Variants in DAPK1 observed in about 807,000 individuals in gnomAD.
DAPK1 encodes the protein death associated protein kinase 1.
In DAPK1, 56 loss-of-function variants were observed where a neutral mutation model predicts 144.9. That is an observed-to-expected ratio of 0.39 (90% CI 0.31 to 0.48). DAPK1 has a LOEUF of 0.48. Among genes scored for constraint, DAPK1 ranks in the 20% least tolerant of loss-of-function variants. The probability of loss-of-function intolerance (pLI) is 0.95; values close to 1 mark genes in which losing one functional copy is unlikely to be tolerated. For missense variants in DAPK1, 1,454 were observed against 1,875.4 expected, an observed-to-expected ratio of 0.78 and a Z score of 4.15; for synonymous variants, 690 against 749.0, an observed-to-expected ratio of 0.92 and a Z score of 1.29.
chr9:87,589,138 A>G (rs1029364529), intron 2 of DAPK1, among the ~76,000 whole-genome samples: 1 of 139,240 alleles, frequency 7.2e-6, no homozygotes, highest in African/African-American at 2.8e-5. Context: ...CGAACTCCTG[A>G]CCTCAGGTGA....
At chr9:87,569,538 G>A (rs12340431) in intron 2 of DAPK1, among the ~76,000 whole-genome samples, 18,278 of 152,104 alleles carry the variant, frequency 0.12, 1,360 homozygotes, top group East Asian at 0.34. Context: ...ATGGAAAATC[G>A]ATCTTTTGAA....
intron 18 of DAPK1, among the ~76,000 whole-genome samples, chr9:87,667,550 A>G (rs1831100490): frequency 6.6e-6 from 1 of 152,208 alleles, no homozygotes; most frequent in African/African-American, 2.4e-5. Context: ...AGATTGAGCA[A>G]CAGTGTCTGA....
chr9:87,550,717 A>T (rs1305680867), intron 2 of DAPK1, among the ~76,000 whole-genome samples: 2 of 152,222 alleles, frequency 1.3e-5, no homozygotes, highest in African/African-American at 4.8e-5. Flanking sequence ...TGAGGGGGTC[A>T]TAATTCAACC....
chr9:87,537,939 C>A (rs1419286759), intron 2 of DAPK1, among the ~76,000 whole-genome samples: 1 of 152,164 alleles, frequency 6.6e-6, no homozygotes, highest in Non-Finnish European at 1.5e-5. Flanking sequence ...GTAGTGGCTG[C>A]CAGCTTTTTA....
intron 13 of DAPK1, 76 bp downstream of exon 13, chr9:87,646,635 G>A (rs1293752136): frequency 1.7e-6 from 2 of 1,176,682 alleles, no homozygotes; most frequent in African/African-American, 1.6e-5. Context: ...GGTAACAGAG[G>A]AAAAAAATTT....
chr9:87,546,349 G>A (rs1826250443), intron 2 of DAPK1, among the ~76,000 whole-genome samples: 1 of 152,172 alleles, frequency 6.6e-6, no homozygotes. Context: ...GGAATGGACA[G>A]GATTTAGGGC....
In DAPK1 at chr9:87,638,064, G is replaced by T; in HGVS notation, c.406G>T (p.Ala136Ser). The T allele has an allele frequency of 2.5e-6, 4 of 1,611,482 alleles. No individual in the cohort carries two copies. Among genetic ancestry groups the T allele is most frequent in the Non-Finnish European group, 3.4e-6 (4 of 1,178,088 alleles). ...TTACTACCTGCACTCCCTTCAAATC[G>T]CCCACTTTGATCTTAAGGTACGTTT... ...GVYYLHSLQIAHFDLKPENIM... is the reference protein window; with the variant it reads ...GVYYLHSLQISHFDLKPENIM... Residue 136 changes from alanine (A) to serine (S), a missense_variant, in exon 4 of 26, where the codon GCC becomes TCC. Coordinates refer to ENST00000408954, the MANE Select transcript of DAPK1 (RefSeq NM_004938.4).
intron 2 of DAPK1, among the ~76,000 whole-genome samples, chr9:87,518,278 A>AT (rs1188386875): frequency 0.013 from 1,658 of 124,200 alleles, 11 homozygotes; most frequent in Non-Finnish European, 0.016. Context: ...CACCCAGCTA[A>AT]TTTTTTTTTT....
chr9:87,513,015 G>A lies in DAPK1; in HGVS notation c.62+13876G>A, dbSNP rs1336368819. On this transcript the variant is annotated intron_variant, in intron 2 of 25. Transcript: ENST00000408954. ...CTTGTTGGGTGGGTATCTTTAGTTTGTAAAAGTAACATAACACTGACAAAA... is the reference window on the plus strand; with the variant it reads ...CTTGTTGGGTGGGTATCTTTAGTTTATAAAAGTAACATAACACTGACAAAA... 1.2e-4 allele frequency among the ~76,000 whole-genome samples: 18 copies of A among 152,156 alleles called. 1 individual carries two copies. The highest frequency in any genetic ancestry group is 9.8e-4 in the Admixed American group (15 of 15,276).
In DAPK1 at chr9:87,638,003, A is replaced by G. The variant is rs368493768; in HGVS notation, c.345A>G (p.Glu115=). 1.9e-6 allele frequency: 3 copies of G among 1,614,074 alleles called. No individual in the cohort carries two copies. The highest frequency in any genetic ancestry group is 2.5e-6 in the Non-Finnish European group (3 of 1,180,010). The change falls in exon 4 of 26, where the codon GAA becomes GAG. Residue 115 remains glutamate, a synonymous_variant. Coordinates refer to ENST00000408954, the MANE Select transcript of DAPK1 (RefSeq NM_004938.4). ...LAEKESLTEE[E]ATEFLKQILN... is the part of the protein sequence containing the mutation. ...AAAAGGAATCTTTAACTGAAGAGGA[A>G]GCAACTGAATTTCTCAAACAAATTC...
chr9:87,657,776 C>T (rs1830679375), intron 17 of DAPK1: 1 of 485,278 alleles, frequency 2.1e-6, no homozygotes, highest in Non-Finnish European at 3.8e-6. Flanking sequence ...CTCTTTCAGG[C>T]CAGCACAGCA....
chr9:87,676,355 G>A (rs1260548643), intron 19 of DAPK1, among the ~76,000 whole-genome samples: 1 of 152,234 alleles, frequency 6.6e-6, no homozygotes, highest in Non-Finnish European at 1.5e-5. Context: ...AGATCATTAC[G>A]TGGATGAAAG....
At chr9:87,542,066 A>G (rs1462915123) in intron 2 of DAPK1, among the ~76,000 whole-genome samples, 1 of 152,248 alleles carries the variant, frequency 6.6e-6, no homozygotes, top group Non-Finnish European at 1.5e-5. Flanking sequence ...AGAAAAAGTC[A>G]GGGACTTATT....
chr9:87,633,273 G>T (rs1829777367), intron 3 of DAPK1: 2 of 984,728 alleles, frequency 2.0e-6, no homozygotes, highest in South Asian at 4.7e-5. Context: ...GAAATGTAGG[G>T]ATGAAGGGGG....
intron 25 of DAPK1, among the ~76,000 whole-genome samples, chr9:87,704,454 T>TGGCCC (rs1162664436): frequency 1.3e-5 from 2 of 152,218 alleles, no homozygotes; most frequent in Non-Finnish European, 2.9e-5. Flanking sequence ...CTACATTGTG[T>TGGCCC]GGCCCGACTT....
At position 87,667,178 on chromosome 9, in the gene DAPK1, T is replaced by G. The variant is rs141514802; in HGVS notation, c.1924-1419T>G. 3.5e-3 allele frequency among the ~76,000 whole-genome samples: 539 copies of G among 152,272 alleles called. 3 individuals carry two copies. The highest frequency in any genetic ancestry group is 6.2e-3 in the Non-Finnish European group (419 of 68,018). ...TTTGGCATGGATCCCTGGTTGGAGATGCAGTGTCTGATAAGGCACCTAATT... is the reference window on the plus strand; with the variant it reads ...TTTGGCATGGATCCCTGGTTGGAGAGGCAGTGTCTGATAAGGCACCTAATT... On this transcript the variant is annotated intron_variant, in intron 18 of 25. Transcript: ENST00000408954.
Position 87,707,420 on chromosome 9 carries a change from G to T in DAPK1, c.*56G>T. The T allele has an allele frequency of 8.1e-7, 1 of 1,234,718 alleles. No homozygotes were observed. Among genetic ancestry groups the T allele is most frequent in the Non-Finnish European group, 1.1e-6 (1 of 870,860 alleles). 76.5% of individuals were successfully genotyped at this position (1,234,718 alleles called of 1,614,324 possible). A position where few individuals can be genotyped will look rare whatever the true frequency, so the allele number is the denominator to read the frequency against. On this transcript the variant is annotated 3_prime_UTR_variant, in exon 26 of 26. Coordinates refer to ENST00000408954, the MANE Select transcript of DAPK1 (RefSeq NM_004938.4). The surrounding 1 kb of genome is among the most constrained non-coding windows in gnomAD (Gnocchi z 4.0). ...TGGACTGCAGAAGCAAGGGGGTGAT[G>T]TAGCCCATCCTTCCCTTTGGAGATG...
intron 8 of DAPK1, 79 bp downstream of exon 8, chr9:87,640,529 C>A (rs1466648204): frequency 3.4e-6 from 5 of 1,452,598 alleles, no homozygotes; most frequent in Non-Finnish European, 4.7e-6. Context: ...ATGCACAGGG[C>A]CACGTTCCTC....
At chr9:87,511,532 A>G (rs13440397) in intron 2 of DAPK1, among the ~76,000 whole-genome samples, 34,546 of 152,190 alleles carry the variant, frequency 0.23, 4,316 homozygotes, top group East Asian at 0.42. Flanking sequence ...TTAGCTGCTC[A>G]GCAAGAAGGC....
Sources: allele counts gnomAD v4.1 joint callset (sites outside exome capture counted in the v4.1 genomes callset), GRCh38; gene constraint gnomAD v4.1.1; non-coding constraint Gnocchi (gnomAD v3.1); transcripts MANE v1.5; gene names NCBI Gene and HGNC (gene_info 2026-07-23, HGNC 2026-07-21).